Variants in ENOX2 observed in about 807,000 individuals in gnomAD.
ENOX2 encodes APK1 antigen.
ENOX2 carries 36 observed loss-of-function variants against 45.0 expected under a neutral mutation model. The ratio of observed to expected loss-of-function variants is 0.80; its 90% CI spans 0.61 to 1.06. ENOX2 has a LOEUF of 1.06. Among genes scored for constraint, ENOX2 ranks in the 50% least tolerant of loss-of-function variants. The pLI is 0.00. For missense variants in ENOX2, 423 were observed against 462.5 expected, an observed-to-expected ratio of 0.91 and a Z score of 0.78; for synonymous variants, 174 against 152.3, an observed-to-expected ratio of 1.14 and a Z score of -1.05.
At chrX:130,639,592 C>T (rs1364540778) in intron 10 of ENOX2, among the ~76,000 whole-genome samples, 1 of 111,524 alleles carries the variant, frequency 9.0e-6, no homozygotes, top group African/African-American at 3.3e-5. Flanking sequence ...ACAGCAAACA[C>T]CAGAACCAGA....
chrX:130,814,262 A>C (rs1327405155), intron 2 of ENOX2, among the ~76,000 whole-genome samples: 2 of 112,000 alleles, frequency 1.8e-5, no homozygotes, highest in Non-Finnish European at 3.8e-5. Flanking sequence ...TTATAGATAA[A>C]ACTCCCATCT....
chrX:130,887,761 T>C (rs753579454), intron 2 of ENOX2, among the ~76,000 whole-genome samples: 19 of 111,601 alleles, frequency 1.7e-4, no homozygotes, highest in Admixed American at 1.1e-3. Context: ...AGCATGCAGT[T>C]GACAAATCAG....
chrX:130,740,599 C>T (rs192892834), intron 3 of ENOX2, among the ~76,000 whole-genome samples: 26 of 110,900 alleles, frequency 2.3e-4, no homozygotes, highest in Admixed American at 2.3e-3. Context: ...TGATTCTAGA[C>T]TAAAGAGTGA....
Position 130,625,282 on chromosome X carries a change from C to G in ENOX2, c.*32G>C, listed in dbSNP as rs1214385705. ...CTATGCTTGTCCAACACATATTTAT[C>G]TTCAGGATCCCAAGTTGTTAGGCAA... On this transcript the variant is annotated 3_prime_UTR_variant, in exon 15 of 15. Transcript: ENST00000394363. 8.4e-7 allele frequency: 1 copy of G among 1,195,812 alleles called. No homozygotes were observed. The highest frequency in any genetic ancestry group is 1.1e-6 in the Non-Finnish European group (1 of 886,994).
intron 3 of ENOX2, among the ~76,000 whole-genome samples, chrX:130,737,430 G>T (rs1376354015): frequency 9.0e-6 from 1 of 111,666 alleles, no homozygotes; most frequent in Non-Finnish European, 1.9e-5. Context: ...TCAAAGAAGA[G>T]TTACTTATTG....
intron 4 of ENOX2, 105 bp downstream of exon 4, chrX:130,703,015 A>G: frequency 1.1e-6 from 1 of 878,870 alleles, no homozygotes; most frequent in South Asian, 2.6e-5. Flanking sequence ...CTCTAGGCAG[A>G]ATCTGGTAAA....
chrX:130,747,374 G>A (rs1468248335), intron 3 of ENOX2, among the ~76,000 whole-genome samples: 2 of 110,448 alleles, frequency 1.8e-5, no homozygotes, highest in Non-Finnish European at 3.8e-5. Flanking sequence ...TGAAAAGTCT[G>A]AATAATAAAA....
chrX:130,704,516 T>C (rs898720759), intron 3 of ENOX2, among the ~76,000 whole-genome samples: 2 of 111,203 alleles, frequency 1.8e-5, no homozygotes, highest in African/African-American at 3.3e-5. Flanking sequence ...CTGATAGCCA[T>C]AGAAAAATCT....
intron 13 of ENOX2, among the ~76,000 whole-genome samples, 183 bp from the exon 14 acceptor site, chrX:130,628,226 C>T (rs1181767355): frequency 8.9e-6 from 1 of 112,075 alleles, no homozygotes; most frequent in Non-Finnish European, 1.9e-5. Flanking sequence ...ATTGTCATCC[C>T]CAGTTCACAG....
rs1240352789 is a variant in ENOX2, at chrX:130,622,447, A to C, written c.*2867T>G. ...GTGTCTTTAATTTTCTATGAAAAAT[A>C]ACCTTCATTTGCATTGAAGACATTT... On this transcript the variant is annotated 3_prime_UTR_variant, in exon 15 of 15. Coordinates refer to ENST00000394363, the MANE Select transcript of ENOX2 (RefSeq NM_006375.4). Among the ~76,000 whole-genome samples the C allele has an allele frequency of 8.9e-6, 1 of 112,417 alleles. No homozygotes were observed. Among genetic ancestry groups the C allele is most frequent in the Non-Finnish European group, 1.9e-5 (1 of 53,345 alleles).
chrX:130,870,561 T>C (rs995244924), intron 2 of ENOX2, among the ~76,000 whole-genome samples: 1 of 111,576 alleles, frequency 9.0e-6, no homozygotes, highest in Non-Finnish European at 1.9e-5. Context: ...TTCATAATTT[T>C]AAACGTCAAC....
intron 2 of ENOX2, among the ~76,000 whole-genome samples, chrX:130,853,982 A>T (rs1380900683): frequency 8.9e-6 from 1 of 111,889 alleles, no homozygotes; most frequent in Non-Finnish European, 1.9e-5. Context: ...GATTTAAATA[A>T]GATCCAGAGT....
intron 7 of ENOX2, among the ~76,000 whole-genome samples, chrX:130,669,679 G>A (rs901645823): frequency 1.8e-5 from 2 of 112,078 alleles, no homozygotes; most frequent in Non-Finnish European, 3.8e-5. Flanking sequence ...AAAAGTCTCT[G>A]ACGTGGAAAG....
At chrX:130,834,797 T>C (rs1172540438) in intron 2 of ENOX2, among the ~76,000 whole-genome samples, 2 of 111,439 alleles carry the variant, frequency 1.8e-5, no homozygotes, top group Admixed American at 9.5e-5. Flanking sequence ...AAATAAAATG[T>C]TATAAGAAAT....
chrX:130,818,864 T>C (rs978096165), intron 2 of ENOX2, among the ~76,000 whole-genome samples: 22 of 111,928 alleles, frequency 2.0e-4, no homozygotes, highest in African/African-American at 7.1e-4. Context: ...AAAGCCAAAA[T>C]TGACAAATGA....
intron 3 of ENOX2, among the ~76,000 whole-genome samples, chrX:130,777,068 C>A (rs2039872947): frequency 8.9e-6 from 1 of 111,786 alleles, no homozygotes. Context: ...AAAAATGAAT[C>A]AATTACATGC....
chrX:130,885,879 T>C (rs2148581146), intron 2 of ENOX2, among the ~76,000 whole-genome samples: 1 of 112,423 alleles, frequency 8.9e-6, no homozygotes, highest in Non-Finnish European at 1.9e-5. Flanking sequence ...TCTCTGGTTT[T>C]AACCGTAAGA....
intron 2 of ENOX2, among the ~76,000 whole-genome samples, chrX:130,869,480 T>C (rs1169935645): frequency 9.0e-6 from 1 of 111,488 alleles, no homozygotes; most frequent in East Asian, 2.8e-4. Flanking sequence ...GCTACCAAAC[T>C]CATGAGTGGA....
At chrX:130,689,119 G>T in intron 4 of ENOX2, 101 bp from the exon 5 acceptor site, 1 of 621,058 alleles carries the variant, frequency 1.6e-6, no homozygotes, top group Non-Finnish European at 2.5e-6. Flanking sequence ...TTCTAAGACA[G>T]AGGCAAAATA....
Sources: gnomAD v4.1 joint callset for allele counts (sites outside exome capture counted in the v4.1 genomes callset) on GRCh38, gnomAD v4.1.1 for gene constraint, MANE v1.5 for transcripts, NCBI Gene and HGNC (gene_info 2026-07-23, HGNC 2026-07-21) for gene names.